LCORL: variants seen among roughly 807,000 people sequenced by gnomAD.
The protein encoded by LCORL is ligand-dependent nuclear receptor corepressor-like protein.
A neutral mutation model predicts 141.8 loss-of-function variants in LCORL; 41 were observed. The ratio of observed to expected loss-of-function variants is 0.29; its 90% confidence interval spans 0.23 to 0.38. The LOEUF (loss-of-function observed/expected upper bound fraction) is 0.38. Ranked by LOEUF, LCORL falls within the 10% of genes least tolerant of loss-of-function variation. The pLI is 1.00. For synonymous variants in LCORL, 618 were observed against 694.1 expected (o/e 0.89, Z 1.72); for missense variants, 1,759 against 2,035.0 (o/e 0.86, Z 2.61).
chr4:17,902,120 AG>A (rs1730977782), intron 5 of LCORL, among the ~76,000 whole-genome samples: 1 of 152,096 alleles, frequency 6.6e-6, no homozygotes, highest in African/African-American at 2.4e-5. Context: ...TAAGAAAATG[AG>A]AAAAAGCCAA....
intron 1 of LCORL, among the ~76,000 whole-genome samples, chr4:18,008,423 A>C (rs1225800511): frequency 6.6e-6 from 1 of 152,224 alleles, no homozygotes; most frequent in Non-Finnish European, 1.5e-5. Flanking sequence ...TCAAGTTCTA[A>C]AATAAAATGA....
At chr4:17,997,155 TTACC>T (rs1721040750) in intron 1 of LCORL, among the ~76,000 whole-genome samples, 1 of 152,180 alleles carries the variant, frequency 6.6e-6, no homozygotes, top group African/African-American at 2.4e-5. Flanking sequence ...AACCGAACAA[TTACC>T]TAACCACACT....
exon 8 of LCORL, chr4:17,843,469 T>C: frequency 2.5e-6 from 4 of 1,594,026 alleles, no homozygotes; most frequent in Non-Finnish European, 3.4e-6. Context: ...TGTCCAGTTA[T>C]TTGCTTTAAT....
At chr4:17,957,009 G>C (rs1482116213) in intron 4 of LCORL, among the ~76,000 whole-genome samples, 1 of 151,896 alleles carries the variant, frequency 6.6e-6, no homozygotes, top group Non-Finnish European at 1.5e-5. Flanking sequence ...ATTAGATTTG[G>C]GAGGTGATAA....
chr4:17,920,828 T>C (rs979377772), intron 4 of LCORL, among the ~76,000 whole-genome samples: 1 of 152,204 alleles, frequency 6.6e-6, no homozygotes, highest in African/African-American at 2.4e-5. Context: ...AACATGAGAT[T>C]GCAGCAATTC....
At chr4:17,843,589 A>G (rs1349891917) in exon 8 of LCORL, 7 of 610,540 alleles carry the variant, frequency 1.1e-5, no homozygotes. Flanking sequence ...GTAGAGCAGC[A>G]TCAGTTATTA....
At chr4:17,889,956 G>A (rs1025081209) in intron 5 of LCORL, among the ~76,000 whole-genome samples, 3 of 151,894 alleles carry the variant, frequency 2.0e-5, no homozygotes, top group Non-Finnish European at 4.4e-5. Context: ...AAAATTAAGC[G>A]CCCAGCATGC....
chr4:17,949,967 C>G (rs1030273789), intron 4 of LCORL, among the ~76,000 whole-genome samples: 1 of 152,142 alleles, frequency 6.6e-6, no homozygotes, highest in Admixed American at 6.5e-5. Flanking sequence ...CCACTATGCA[C>G]ATTTTCAATC....
chr4:17,995,756 G>A (rs373772976), intron 1 of LCORL, among the ~76,000 whole-genome samples: 3 of 152,018 alleles, frequency 2.0e-5, no homozygotes, highest in East Asian at 3.9e-4. Flanking sequence ...TCTCATTAGC[G>A]TCCCCTGAGT....
At chr4:17,860,418 C>T (rs1165229442) in intron 7 of LCORL, among the ~76,000 whole-genome samples, 1 of 152,120 alleles carries the variant, frequency 6.6e-6, no homozygotes, top group Admixed American at 6.5e-5. Flanking sequence ...TTATAATAAC[C>T]ATCAGATTTT....
At chr4:17,970,124 C>T (rs1286603582) in intron 2 of LCORL, among the ~76,000 whole-genome samples, 6 of 152,120 alleles carry the variant, frequency 3.9e-5, no homozygotes, top group Admixed American at 3.9e-4. Context: ...CTTAGAGATA[C>T]TTTGTGTCTC....
rs200743923 is a variant in LCORL at position 17,936,378 on chromosome 4, G to C, written c.430+25525C>G. ...TCATAATGAAAAAAAAAAAAAAAAA[G>C]AAACAAAAATCCAGAAAGATCAAAT... On this transcript the variant is annotated intron_variant, in intron 4 of 7. Transcript: ENST00000635767. Among the ~76,000 whole-genome samples the C allele has an allele frequency of 1.7e-5, 2 of 116,566 alleles. 1 individual carries two copies. Among genetic ancestry groups the C allele is most frequent in the South Asian group, 5.9e-4 (2 of 3,400 alleles). 76.5% of individuals were successfully genotyped at this position (116,566 alleles called of 152,430 possible). A position where few individuals can be genotyped will look rare whatever the true frequency, so the allele number is the denominator to read the frequency against.
intron 5 of LCORL, among the ~76,000 whole-genome samples, chr4:17,890,460 TC>T (rs1728913126): frequency 6.6e-6 from 1 of 152,044 alleles, no homozygotes; most frequent in African/African-American, 2.4e-5. Flanking sequence ...ATACTTTAGT[TC>T]CTTAAGAGAA....
chr4:17,882,372 G>C (rs1014245452), intron 6 of LCORL: 16 of 983,756 alleles, frequency 1.6e-5, no homozygotes, highest in Non-Finnish European at 1.8e-5. Context: ...TTTATATGAA[G>C]GCATATGCTT....
Position 17,897,227 on chromosome 4 carries a change from T to C in LCORL, c.683-11066A>G, listed in dbSNP as rs1244052014. Among the ~76,000 whole-genome samples the C allele has an allele frequency of 1.4e-3, 181 of 125,340 alleles. 4 individuals are homozygous for C. The highest frequency in any genetic ancestry group is 2.8e-3 in the South Asian group (9 of 3,198). The allele number at this position is 125,340 out of a possible 152,430, so 82.2% of individuals were successfully genotyped here. A position where few individuals can be genotyped will look rare whatever the true frequency, so the allele number is the denominator to read the frequency against. ...TATACTGATTTCTTTTTTTTTTTTTTTTTTTTTTTTTTTTTTTTTTTTTTA... is the reference window on the plus strand; with the variant it reads ...TATACTGATTTCTTTTTTTTTTTTTCTTTTTTTTTTTTTTTTTTTTTTTTA... On this transcript the variant is annotated intron_variant, in intron 5 of 7. Coordinates refer to ENST00000635767, the Ensembl canonical transcript of LCORL.
At chr4:17,973,082 A>C (rs1716285729) in intron 1 of LCORL, among the ~76,000 whole-genome samples, 197 bp from the exon 2 acceptor site, 1 of 151,898 alleles carries the variant, frequency 6.6e-6, no homozygotes, top group Non-Finnish European at 1.5e-5. Flanking sequence ...ATGACTGTAA[A>C]GAAATTAAAA....
intron 1 of LCORL, among the ~76,000 whole-genome samples, chr4:17,976,802 G>C (rs925799706): frequency 2.0e-5 from 3 of 152,106 alleles, no homozygotes; most frequent in African/African-American, 7.2e-5. Flanking sequence ...CTAGTGGTTT[G>C]CATAGTTGCT....
intron 1 of LCORL, among the ~76,000 whole-genome samples, chr4:17,997,262 C>T (rs1053852524): frequency 6.6e-6 from 1 of 152,128 alleles, no homozygotes; most frequent in Non-Finnish European, 1.5e-5. Context: ...TGTTGGAATT[C>T]GTTGTTACCA....
At chr4:17,883,191 G>A (rs1348471681) in intron 6 of LCORL, 2 of 981,338 alleles carry the variant, frequency 2.0e-6, no homozygotes, top group East Asian at 1.1e-4. Context: ...GCACTGTCGT[G>A]TACTAATACT....
Sources: allele counts gnomAD v4.1 joint callset (sites outside exome capture counted in the v4.1 genomes callset), GRCh38; gene constraint gnomAD v4.1.1; transcripts MANE v1.5; gene names NCBI Gene and HGNC (gene_info 2026-07-23, HGNC 2026-07-21).